The following CDKAL1 variants were observed in gnomAD, a reference collection of about 807,000 sequenced individuals.
The protein encoded by CDKAL1 is CDKAL1 threonylcarbamoyladenosine tRNA methylthiotransferase.
In CDKAL1, 32 loss-of-function variants were observed where a neutral mutation model predicts 68.2. The observed-to-expected ratio is 0.47, with a 90% CI of 0.35 to 0.63. The LOEUF is 0.63. CDKAL1 is among the 30% of genes least tolerant of loss of function. CDKAL1 has a pLI of 0.00. For missense variants in CDKAL1, 606 were observed against 696.7 expected (o/e 0.87, Z 1.47); for synonymous variants, 234 against 244.3 (o/e 0.96, Z 0.39).
intron 5 of CDKAL1, among the ~76,000 whole-genome samples, chr6:20,721,153 A>C (rs1772337994): frequency 9.9e-6 from 1 of 100,686 alleles, no homozygotes; most frequent in Admixed American, 1.5e-4. Context: ...GGTGTTCCCC[A>C]CCCTGTGTCC....
intron 11 of CDKAL1, among the ~76,000 whole-genome samples, chr6:21,055,593 C>T (rs1238033072): frequency 1.3e-5 from 2 of 152,130 alleles, no homozygotes; most frequent in South Asian, 2.1e-4. Flanking sequence ...CATTGTTCAG[C>T]TCGCACTTAT....
intron 9 of CDKAL1, among the ~76,000 whole-genome samples, chr6:20,886,657 G>C (rs908721975): frequency 6.6e-6 from 1 of 152,190 alleles, no homozygotes; most frequent in Non-Finnish European, 1.5e-5. Flanking sequence ...AATATTGTAT[G>C]ATCCCATTTA....
At chr6:20,823,880 C>T (rs377517978) in intron 8 of CDKAL1, among the ~76,000 whole-genome samples, 2 of 151,902 alleles carry the variant, frequency 1.3e-5, no homozygotes, top group Non-Finnish European at 2.9e-5. Flanking sequence ...CTTCCAAAGT[C>T]GAGATACTAG....
chr6:21,222,969 G>A (rs1463156576), intron 15 of CDKAL1, among the ~76,000 whole-genome samples: 1 of 152,088 alleles, frequency 6.6e-6, no homozygotes, highest in Non-Finnish European at 1.5e-5. Flanking sequence ...CATACTCAGC[G>A]ATGTGCCATC....
chr6:20,809,182 C>G (rs1041163854), intron 8 of CDKAL1, among the ~76,000 whole-genome samples: 1 of 152,112 alleles, frequency 6.6e-6, no homozygotes, highest in African/African-American at 2.4e-5. Flanking sequence ...CATCTAAGGT[C>G]AGTATTTCCT....
At chr6:21,094,083 C>T (rs140359253) in intron 12 of CDKAL1, among the ~76,000 whole-genome samples, 2 of 151,826 alleles carry the variant, frequency 1.3e-5, no homozygotes, top group Non-Finnish European at 2.9e-5. Context: ...AATATACAGA[C>T]AAGAAAATAT....
chr6:20,832,296 A>G (rs554244113), intron 8 of CDKAL1, among the ~76,000 whole-genome samples: 1 of 152,210 alleles, frequency 6.6e-6, no homozygotes, highest in Non-Finnish European at 1.5e-5. Flanking sequence ...AATTCCAACA[A>G]TGCAAAAATT....
intron 13 of CDKAL1, among the ~76,000 whole-genome samples, chr6:21,158,892 T>C (rs1476368261): frequency 6.6e-6 from 1 of 152,230 alleles, no homozygotes; most frequent in African/African-American, 2.4e-5. Context: ...GAAACATATA[T>C]GTACCTAATT....
At chr6:21,158,439 T>G (rs1776748810) in intron 13 of CDKAL1, among the ~76,000 whole-genome samples, 3 of 152,230 alleles carry the variant, frequency 2.0e-5, no homozygotes, top group Admixed American at 2.0e-4. Context: ...TGCAGGGATC[T>G]GATATGCTGC....
At chr6:20,677,348 G>A (rs1372737345) in intron 5 of CDKAL1, among the ~76,000 whole-genome samples, 3 of 152,134 alleles carry the variant, frequency 2.0e-5, no homozygotes, top group Non-Finnish European at 4.4e-5. Context: ...GGGATTACAG[G>A]CGTGAGCCAT....
intron 8 of CDKAL1, among the ~76,000 whole-genome samples, chr6:20,788,661 C>A (rs1775773321): frequency 6.6e-6 from 1 of 152,156 alleles, no homozygotes; most frequent in African/African-American, 2.4e-5. Context: ...TAGCTTAGCA[C>A]ATTAATACAT....
intron 4 of CDKAL1, among the ~76,000 whole-genome samples, chr6:20,636,790 A>T (rs1767921502): frequency 6.6e-6 from 1 of 152,158 alleles, no homozygotes; most frequent in Non-Finnish European, 1.5e-5. Flanking sequence ...GTAATCCCAC[A>T]CTTTGGGAGG....
At chr6:20,830,425 C>G (rs114302581) in intron 8 of CDKAL1, among the ~76,000 whole-genome samples, 1,960 of 152,206 alleles carry the variant, frequency 0.013, 42 homozygotes, top group South Asian at 0.049. Flanking sequence ...ATTCACCGTA[C>G]TCTGTTTCCT....
chr6:20,647,915 A>AT (rs768656966), intron 4 of CDKAL1, among the ~76,000 whole-genome samples: 73 of 142,622 alleles, frequency 5.1e-4, no homozygotes, highest in East Asian at 1.5e-3. Context: ...TTGTTTCAAC[A>AT]TTTTTTTTTT....
chr6:20,570,557 C>T lies in CDKAL1; in HGVS notation c.286+21852C>T, dbSNP rs1052291307. Among the ~76,000 whole-genome samples, 4 of 152,210 alleles carry T rather than the reference C, an allele frequency of 2.6e-5. No individual in the cohort carries two copies. In the East Asian group the frequency reaches 7.7e-4, roughly 29 times the overall value. On this transcript the variant is annotated intron_variant, in intron 4 of 15. Transcript: ENST00000274695. ...CTAGGACTACAGGCATCTGCCACCA[C>T]TGCCAGCTAATTTTTGAATTTTTAG...
At chr6:20,769,829 A>G (rs1774862765) in intron 7 of CDKAL1, among the ~76,000 whole-genome samples, 1 of 152,218 alleles carries the variant, frequency 6.6e-6, no homozygotes, top group African/African-American at 2.4e-5. Flanking sequence ...GAAGCCTGGC[A>G]TTACTGATTA....
At chr6:20,701,175 T>C (rs1771336918) in intron 5 of CDKAL1, among the ~76,000 whole-genome samples, 1 of 151,978 alleles carries the variant, frequency 6.6e-6, no homozygotes, top group Non-Finnish European at 1.5e-5. Flanking sequence ...CCCCACATGC[T>C]GTGTTGCGAC....
intron 9 of CDKAL1, among the ~76,000 whole-genome samples, chr6:20,900,055 G>T (rs1340679136): frequency 2.0e-5 from 3 of 152,074 alleles, no homozygotes; most frequent in Admixed American, 2.0e-4. Flanking sequence ...TCTTACTATT[G>T]TAGGGAACCA....
chr6:20,826,969 T>C (rs1777527171), intron 8 of CDKAL1, among the ~76,000 whole-genome samples: 1 of 152,216 alleles, frequency 6.6e-6, no homozygotes, highest in Admixed American at 6.5e-5. Context: ...TTCATTAGTA[T>C]ATCTAATTCT....
Sources: gnomAD v4.1 joint callset for allele counts (sites outside exome capture counted in the v4.1 genomes callset) on GRCh38, gnomAD v4.1.1 for gene constraint, MANE v1.5 for transcripts, NCBI Gene and HGNC (gene_info 2026-07-23, HGNC 2026-07-21) for gene names.